The following CDH4 variants were observed in gnomAD, a reference collection of about 807,000 sequenced individuals.
CDH4 encodes cadherin 4, also known as cadherin-4.
A neutral mutation model predicts 86.0 loss-of-function variants in CDH4; 33 were observed. That is an observed-to-expected ratio of 0.38 (90% CI 0.29 to 0.51). The LOEUF (loss-of-function observed/expected upper bound fraction) is 0.51. Ranked by LOEUF, CDH4 falls within the 20% of genes least tolerant of loss-of-function variation. The probability of loss-of-function intolerance (pLI) is 0.86; values close to 1 mark genes in which losing one functional copy is unlikely to be tolerated. For synonymous variants in CDH4, 555 were observed against 549.4 expected (o/e 1.01, Z -0.14); for missense variants, 1,114 against 1,307.4 (o/e 0.85, Z 2.28).
At chr20:61,740,431 T>C (rs2088319254) in intron 2 of CDH4, 1 of 152,218 alleles carries the variant, frequency 6.6e-6, no homozygotes, top group South Asian at 2.1e-4. Flanking sequence ...CATTCAGTGC[T>C]AATGTTCTGT....
intron 2 of CDH4, among the ~76,000 whole-genome samples, chr20:61,633,554 C>T (rs2086916020): frequency 6.6e-6 from 1 of 152,148 alleles, no homozygotes; most frequent in Admixed American, 6.5e-5. Context: ...ACCCATTCAT[C>T]CCATCCACCC....
rs112153327 is a variant in CDH4, at chr20:61,715,983, C to T, written c.170-27580C>T. ...TCCACAGCCCCCTCTGGGCTTTCTT[C>T]GGCCAGACATGCCTGGCCACACTTC... On this transcript the variant is annotated intron_variant, in intron 2 of 15. Transcript: ENST00000614565. 1.6e-3 allele frequency among the ~76,000 whole-genome samples: 249 copies of T among 152,374 alleles called. 2 individuals carry two copies. The highest frequency in any genetic ancestry group is 5.3e-3 in the African/African-American group (221 of 41,592).
At chr20:61,495,005 C>T (rs1375743479) in intron 2 of CDH4, among the ~76,000 whole-genome samples, 1 of 152,240 alleles carries the variant, frequency 6.6e-6, no homozygotes, top group Non-Finnish European at 1.5e-5. Context: ...CCACAGGGAG[C>T]CACCTTGCAT....
intron 4 of CDH4, among the ~76,000 whole-genome samples, chr20:61,783,921 ATATCCTGTGCCCCCAGGAG>A (rs1978710058): frequency 7.7e-5 from 1 of 13,004 alleles, no homozygotes; most frequent in African/African-American, 5.6e-4. Flanking sequence ...AGGCCCTCCG[ATATCCTGTGCCCCCAGGAG>A]AATGTAAGCC....
At chr20:61,558,794 T>A (rs2086195256) in intron 2 of CDH4, among the ~76,000 whole-genome samples, 1 of 152,220 alleles carries the variant, frequency 6.6e-6, no homozygotes, top group South Asian at 2.1e-4. Flanking sequence ...TACCAAAATG[T>A]CCCTGCAACA....
chr20:61,839,011 A>G (rs1442769114), intron 4 of CDH4, among the ~76,000 whole-genome samples: 1 of 152,344 alleles, frequency 6.6e-6, no homozygotes, highest in African/African-American at 2.4e-5. Flanking sequence ...GAACTGCTCC[A>G]GGCAGCTCAG....
intron 2 of CDH4, among the ~76,000 whole-genome samples, chr20:61,328,202 G>A (rs1190662029): frequency 6.6e-6 from 1 of 152,074 alleles, no homozygotes; most frequent in Non-Finnish European, 1.5e-5. Flanking sequence ...TTGAGATGAA[G>A]TCTCGCTCTG....
intron 2 of CDH4, among the ~76,000 whole-genome samples, chr20:61,405,714 G>A (rs917881302): frequency 2.1e-5 from 3 of 145,284 alleles, no homozygotes; most frequent in African/African-American, 5.1e-5. Flanking sequence ...TTTTTTTTGA[G>A]ACAGAGTCTC....
intron 2 of CDH4, among the ~76,000 whole-genome samples, chr20:61,607,206 G>C (rs2086652485): frequency 6.6e-6 from 1 of 152,188 alleles, no homozygotes. Flanking sequence ...TTTTTAATCT[G>C]CGCACATATA....
At position 61,811,026 on chromosome 20, in the gene CDH4, C is replaced by T. The variant is rs1980408188; in HGVS notation, c.577-33642C>T. On this transcript the variant is annotated intron_variant, in intron 4 of 15. Transcript: ENST00000614565. This position sits in a 1 kb window ranked among gnomAD's most constrained non-coding sequence, Gnocchi z 4.4. ...CAAACGAACTCATGGCTCTTCATCC[C>T]CTGCAAAACTAATGGCGCGGTGCTG... 1.3e-5 allele frequency among the ~76,000 whole-genome samples: 2 copies of T among 152,212 alleles called. No homozygotes were observed. The highest frequency in any genetic ancestry group is 4.8e-5 in the African/African-American group (2 of 41,446).
chr20:61,607,179 A>G (rs142377855), intron 2 of CDH4, among the ~76,000 whole-genome samples: 13 of 152,274 alleles, frequency 8.5e-5, no homozygotes, highest in African/African-American at 2.2e-4. Flanking sequence ...ACACCCCTCA[A>G]TGTAGGACCA....
intron 2 of CDH4, among the ~76,000 whole-genome samples, chr20:61,325,587 G>A (rs918047999): frequency 6.6e-6 from 1 of 152,050 alleles, no homozygotes; most frequent in Non-Finnish European, 1.5e-5. Flanking sequence ...AGATGTGCAG[G>A]GGACAGCATT....
intron 2 of CDH4, among the ~76,000 whole-genome samples, chr20:61,450,093 T>C (rs968100107): frequency 1.3e-5 from 2 of 152,260 alleles, no homozygotes; most frequent in Non-Finnish European, 2.9e-5. Context: ...TCTACAGTGT[T>C]GACAATGATG....
chr20:61,824,238 G>A (rs1981202992), intron 4 of CDH4, among the ~76,000 whole-genome samples: 1 of 151,982 alleles, frequency 6.6e-6, no homozygotes, highest in South Asian at 2.1e-4. Flanking sequence ...ACTGTCCTTA[G>A]AAGCCATCCC....
intron 2 of CDH4, among the ~76,000 whole-genome samples, chr20:61,650,913 C>T (rs1411587766): frequency 6.6e-6 from 1 of 152,266 alleles, no homozygotes; most frequent in Non-Finnish European, 1.5e-5. Context: ...TTATGCTCTT[C>T]AGTGGCCCCA....
intron 2 of CDH4, among the ~76,000 whole-genome samples, chr20:61,394,843 C>T (rs1264762361): frequency 1.4e-5 from 2 of 142,964 alleles, no homozygotes; most frequent in African/African-American, 5.1e-5. Context: ...AGGCACCTGT[C>T]GTTTGGAAGC....
intron 8 of CDH4, among the ~76,000 whole-genome samples, chr20:61,899,651 T>C (rs1985294111): frequency 1.3e-5 from 2 of 152,128 alleles, no homozygotes; most frequent in Admixed American, 1.3e-4. Flanking sequence ...ATGGTCTTGA[T>C]CTCCTGACCT....
intron 4 of CDH4, among the ~76,000 whole-genome samples, chr20:61,775,483 A>T (rs757588011): frequency 7.9e-5 from 12 of 152,226 alleles, no homozygotes; most frequent in Non-Finnish European, 1.5e-4. Flanking sequence ...CATTGTGACC[A>T]TACAGCTTCT....
chr20:61,300,718 C>T (rs2084381637), intron 2 of CDH4, among the ~76,000 whole-genome samples: 1 of 152,202 alleles, frequency 6.6e-6, no homozygotes, highest in Non-Finnish European at 1.5e-5. Flanking sequence ...TGGGATGTCC[C>T]CTTTCTCCAG....
Sources: gnomAD v4.1 joint callset for allele counts (sites outside exome capture counted in the v4.1 genomes callset) on GRCh38, gnomAD v4.1.1 for gene constraint, Gnocchi (gnomAD v3.1) non-coding constraint, MANE v1.5 for transcripts, NCBI Gene and HGNC (gene_info 2026-07-23, HGNC 2026-07-21) for gene names.